Variants in DDX41 observed in about 807,000 individuals in gnomAD.
DDX41 encodes the protein probable ATP-dependent RNA helicase DDX41.
A neutral mutation model predicts 78.8 loss-of-function variants in DDX41; 50 were observed. The ratio of observed to expected loss-of-function variants is 0.63; its 90% confidence interval spans 0.51 to 0.80. The LOEUF is 0.80. DDX41 is among the 30% of genes least tolerant of loss of function. The probability of loss-of-function intolerance (pLI) is 0.00; values close to 1 mark genes in which losing one functional copy is unlikely to be tolerated. For missense variants in DDX41, 633 were observed against 849.2 expected, an observed-to-expected ratio of 0.75 and a Z score of 3.16; for synonymous variants, 381 against 321.5, an observed-to-expected ratio of 1.19 and a Z score of -1.98.
chr5:177,513,990 C>T lies in DDX41; in HGVS notation c.936-143G>A. On this transcript the variant is annotated intron_variant, in intron 9 of 16. Coordinates refer to ENST00000330503, the MANE Select transcript of DDX41 (RefSeq NM_016222.4). This position sits in a 1 kb window ranked among gnomAD's most constrained non-coding sequence, Gnocchi z 4.6. ...CCCTTCTCATCATTCCCACCACCTGCCCTATGTATAGCACACAGCTCTTTC... is the reference window on the plus strand; with the variant it reads ...CCCTTCTCATCATTCCCACCACCTGTCCTATGTATAGCACACAGCTCTTTC... The T allele has an allele frequency of 1.2e-6, 1 of 855,262 alleles. No individual in the cohort carries two copies. The highest frequency in any genetic ancestry group is 1.6e-5 in the South Asian group (1 of 63,910). 53.0% of individuals were successfully genotyped at this position (855,262 alleles called of 1,614,324 possible). A position where few individuals can be genotyped will look rare whatever the true frequency, so the allele number is the denominator to read the frequency against.
In DDX41 at chr5:177,513,266, G is replaced by A. The variant is rs915954594; in HGVS notation, c.1230+87C>T. The A allele has an allele frequency of 1.0e-5, 16 of 1,587,160 alleles. No individual in the cohort carries two copies. The East Asian group carries it at 1.3e-4, about 13-fold the overall frequency. ...ATGAAACCCCCGGTTCCCACAAGGT[G>A]GACCCCCGGCTCCAATCAGCTTCAG... On this transcript the variant is annotated intron_variant, in intron 11 of 16. Coordinates refer to ENST00000330503, the MANE Select transcript of DDX41 (RefSeq NM_016222.4). The surrounding 1 kb of genome is among the most constrained non-coding windows in gnomAD (Gnocchi z 4.6).
At chr5:177,515,462 G>A in intron 6 of DDX41, 1 of 849,570 alleles carries the variant, frequency 1.2e-6, no homozygotes, top group Non-Finnish European at 1.9e-6. Context: ...TGTACCCAGT[G>A]TCTATGCCCA....
In DDX41 at chr5:177,511,622, C is replaced by G; in HGVS notation, c.*169G>C. ...TAATGGCAGCTGGGGTAAAAGGAAA[C>G]AAAAACAGTAATTCTGAAGAGCACA... On this transcript the variant is annotated 3_prime_UTR_variant, in exon 17 of 17. Transcript: ENST00000330503. 1.1e-6 allele frequency: 1 copy of G among 935,066 alleles called. No homozygotes were observed. Among genetic ancestry groups the G allele is most frequent in the Non-Finnish European group, 1.6e-6 (1 of 630,722 alleles). The allele number at this position is 935,066 out of a possible 1,614,324, so 57.9% of individuals were successfully genotyped here. A position where few individuals can be genotyped will look rare whatever the true frequency, so the allele number is the denominator to read the frequency against.
Position 177,513,954 on chromosome 5 carries a change from C to T in DDX41, c.936-107G>A, listed in dbSNP as rs1182757565. The T allele has an allele frequency of 1.7e-6, 2 of 1,150,492 alleles. No individual in the cohort carries two copies. Among genetic ancestry groups the T allele is most frequent in the Non-Finnish European group, 2.5e-6 (2 of 790,832 alleles). The allele number at this position is 1,150,492 out of a possible 1,614,324, so 71.3% of individuals were successfully genotyped here. Reference sequence around the variant, plus strand: ...CTGCTCTCTGTCCTCCTTCCTATTTCTTTGTCTGTCCCCTTCTCATCATTC... The same window carrying T: ...CTGCTCTCTGTCCTCCTTCCTATTTTTTTGTCTGTCCCCTTCTCATCATTC... On this transcript the variant is annotated intron_variant, in intron 9 of 16. Transcript: ENST00000330503. This position sits in a 1 kb window ranked among gnomAD's most constrained non-coding sequence, Gnocchi z 4.6.
At position 177,516,090 on chromosome 5, in the gene DDX41, C is replaced by T. The variant is rs772238399; in HGVS notation, c.373+29G>A. 3 of 1,613,650 alleles carry T rather than the reference C, an allele frequency of 1.9e-6. No individual in the cohort carries two copies. The East Asian group carries it at 6.7e-5, about 36-fold the overall frequency. ...GGCTGGGAGGAGAAGACTCAGTCCACCTTCTCACTATCCTGGCTACAACCA... is the reference window on the plus strand; with the variant it reads ...GGCTGGGAGGAGAAGACTCAGTCCATCTTCTCACTATCCTGGCTACAACCA... On this transcript the variant is annotated intron_variant, in intron 4 of 16. Transcript: ENST00000330503.
chr5:177,512,955 C>G, intron 12 of DDX41, 56 bp downstream of exon 12: 3 of 1,609,684 alleles, frequency 1.9e-6, no homozygotes, highest in Non-Finnish European at 2.5e-6. Flanking sequence ...CTGTCCCCTC[C>G]AAAGCCCTCC....
In DDX41 at chr5:177,513,256, C is replaced by G. The variant is rs573184759; in HGVS notation, c.1230+97G>C. 3.8e-6 allele frequency: 6 copies of G among 1,575,880 alleles called. No homozygotes were observed. The Admixed American group carries it at 8.8e-5, about 23-fold the overall frequency. ...GGGGCTTTGAATGAAACCCCCGGTT[C>G]CCACAAGGTGGACCCCCGGCTCCAA... On this transcript the variant is annotated intron_variant, in intron 11 of 16. Coordinates refer to ENST00000330503, the MANE Select transcript of DDX41 (RefSeq NM_016222.4). This position sits in a 1 kb window ranked among gnomAD's most constrained non-coding sequence, Gnocchi z 4.6.
Position 177,512,135 on chromosome 5 carries a change from C to A in DDX41, c.1693G>T (p.Val565Leu), listed in dbSNP as rs781182074. ...ATGGACTCATCCCCGCAATGCAGCA[C>A]CTGCAGCACGGGCGGCACCTTCTGC... is the stretch of plus-strand genomic sequence containing the variant. ...AKQKVPPVLQ[V>L]LHCGDESMLD... The change falls in exon 16 of 17, where the codon GTG (valine) becomes TTG (leucine). Residue 565 changes from valine to leucine, a missense_variant. Transcript: ENST00000330503. 1.2e-6 allele frequency: 2 copies of A among 1,613,550 alleles called. No individual in the cohort carries two copies. Among genetic ancestry groups the A allele is most frequent in the Non-Finnish European group, 1.7e-6 (2 of 1,180,032 alleles).
At position 177,515,297 on chromosome 5, in the gene DDX41, G is replaced by A; in HGVS notation, c.572-39C>T. The A allele has an allele frequency of 1.9e-6, 3 of 1,608,684 alleles. No homozygotes were observed. The South Asian group carries it at 3.3e-5, about 18-fold the overall frequency. ...CCGACATCGTCTTCATGACTCACAGGTACTTTCTCAGAGCCCCAAAGCCTG... is the reference window on the plus strand; with the variant it reads ...CCGACATCGTCTTCATGACTCACAGATACTTTCTCAGAGCCCCAAAGCCTG... On this transcript the variant is annotated intron_variant, in intron 6 of 16. Coordinates refer to ENST00000330503, the MANE Select transcript of DDX41 (RefSeq NM_016222.4).
intron 16 of DDX41, 71 bp from the exon 17 acceptor site, chr5:177,511,998 T>G (rs965565813): frequency 6.2e-7 from 1 of 1,606,138 alleles, no homozygotes; most frequent in African/African-American, 1.3e-5. Flanking sequence ...GGGCCCCCCG[T>G]TAGGCACCCT....
chr5:177,511,910 A>G lies in DDX41; in HGVS notation c.1750T>C (p.Phe584Leu), dbSNP rs1413539474. 2 of 1,613,972 alleles carry G rather than the reference A, an allele frequency of 1.2e-6. No individual in the cohort carries two copies. The highest frequency in any genetic ancestry group is 1.7e-5 in the Admixed American group (1 of 60,028). ...ATCCGATGACCCAGGCCCCCGCAGA[A>G]GGCACAGCCGCGCTCTCCTGGGGGA... ...LDIGGERGCA[F>L]CGGLGHRITD... Residue 584 changes from phenylalanine (F) to leucine (L), a missense_variant, in exon 17 of 17, where the codon TTC (phenylalanine) becomes CTC (leucine). Coordinates refer to ENST00000330503, the MANE Select transcript of DDX41 (RefSeq NM_016222.4).
Position 177,513,814 on chromosome 5 carries a change from G to A in DDX41, c.969C>T (p.Arg323=). Residue 323 remains arginine (R), a synonymous_variant, in exon 10 of 17, where the codon CGC becomes CGT. Transcript: ENST00000330503. This position sits in a 1 kb window ranked among gnomAD's most constrained non-coding sequence, Gnocchi z 4.6. ...GVHMMVATPG[R]LMDLLQKKMV... Reference sequence around the variant, plus strand: ...TCTTCTTCTGCAGCAAATCCATGAGGCGCCCCGGGGTGGCCACCATCATGT... The same window carrying A: ...TCTTCTTCTGCAGCAAATCCATGAGACGCCCCGGGGTGGCCACCATCATGT... 2 of 1,613,736 alleles carry A rather than the reference G, an allele frequency of 1.2e-6. No individual in the cohort carries two copies. Among genetic ancestry groups the A allele is most frequent in the Middle Eastern group, 1.6e-4 (1 of 6,062 alleles).
In DDX41 at chr5:177,513,643, TG is replaced by T. The variant is rs1021416287; in HGVS notation, c.1098+41del. On this transcript the variant is annotated intron_variant, in intron 10 of 16. Coordinates refer to ENST00000330503, the MANE Select transcript of DDX41 (RefSeq NM_016222.4). The surrounding 1 kb of genome is among the most constrained non-coding windows in gnomAD (Gnocchi z 4.6). ...CCCTGCAGTCTGATGTGGCGTGCAGTGGGGGGCGGTGCAGGGTGCCCTGGCC... is the reference window on the plus strand; with the variant it reads ...CCCTGCAGTCTGATGTGGCGTGCAGTGGGGGCGGTGCAGGGTGCCCTGGCC... 6.2e-7 allele frequency: 1 copy of T among 1,608,710 alleles called. No individual in the cohort carries two copies. The highest frequency in any genetic ancestry group is 8.5e-7 in the Non-Finnish European group (1 of 1,177,428).
Position 177,514,770 on chromosome 5 carries a change from G to C in DDX41, c.866C>G (p.Ser289Ter). The change falls in exon 9 of 17, where the codon TCA becomes TGA. Residue 289 changes from serine (S) to a stop codon, truncating the protein, a stop_gained. Coordinates refer to ENST00000330503, the MANE Select transcript of DDX41 (RefSeq NM_016222.4). LOFTEE classifies it high-confidence loss of function. This position sits in a 1 kb window ranked among gnomAD's most constrained non-coding sequence, Gnocchi z 4.2. ...YYCRLLQEDS[S>*]PLLRCALCIG... ...GCAGAGGGCGCAGCGCAGGAGTGGT[G>C]AGCTGTCCTCCTGCAGCAGGCGGCA... 6.2e-7 allele frequency: 1 copy of C among 1,612,934 alleles called. No homozygotes were observed. Among genetic ancestry groups the C allele is most frequent in the East Asian group, 2.2e-5 (1 of 44,882 alleles).
At position 177,516,759 on chromosome 5, in the gene DDX41, G is replaced by C. The variant is rs984823447; in HGVS notation, c.104C>G (p.Pro35Arg). The C allele has an allele frequency of 1.4e-5, 22 of 1,611,366 alleles. No individual in the cohort carries two copies. In the East Asian group the frequency reaches 4.9e-4, roughly 36 times the overall value. The change falls in exon 2 of 17, where the codon CCC becomes CGC. Residue 35 changes from proline to arginine, a missense_variant. Pro to Arg is a moderately radical substitution (Grantham distance 103, BLOSUM62 -2). Transcript: ENST00000330503. ...CCGGCGCTGCCGTAACGGCACATAG[G>C]GCACGTAGTCCTCGTCGTCCTCATC... ...AEDEDDEDYV[P>R]YVPLRQRRQL...
Position 177,512,163 on chromosome 5 carries a change from G to A in DDX41, c.1665C>T (p.Ala555=), listed in dbSNP as rs1356103698. Residue 555 remains alanine, a synonymous_variant, in exon 16 of 17, where the codon GCC becomes GCT. Transcript: ENST00000330503. ...GCAGCACGGGCGGCACCTTCTGCTT[G>A]GCTTCTAGCAGCAGCGCTTTGAGGT... ...LMDLKALLLE[A]KQKVPPVLQV... is the part of the protein sequence containing the mutation. The A allele has an allele frequency of 1.4e-5, 23 of 1,613,600 alleles. No individual in the cohort carries two copies. In the East Asian group the frequency reaches 4.9e-4, roughly 34 times the overall value.
chr5:177,513,999 T>C lies in DDX41; in HGVS notation c.936-152A>G, dbSNP rs2127436687. 3.6e-6 allele frequency: 3 copies of C among 826,856 alleles called. No homozygotes were observed. Among genetic ancestry groups the C allele is most frequent in the South Asian group, 3.1e-5 (2 of 63,500 alleles). 51.2% of individuals were successfully genotyped at this position (826,856 alleles called of 1,614,324 possible). A position where few individuals can be genotyped will look rare whatever the true frequency, so the allele number is the denominator to read the frequency against. Reference sequence around the variant, plus strand: ...TCATTCCCACCACCTGCCCTATGTATAGCACACAGCTCTTTCCCAAGGCAC... The same window carrying C: ...TCATTCCCACCACCTGCCCTATGTACAGCACACAGCTCTTTCCCAAGGCAC... On this transcript the variant is annotated intron_variant, in intron 9 of 16. Coordinates refer to ENST00000330503, the MANE Select transcript of DDX41 (RefSeq NM_016222.4). The surrounding 1 kb of genome is among the most constrained non-coding windows in gnomAD (Gnocchi z 4.6).
In DDX41 at chr5:177,514,148, C is replaced by T. The variant is rs1401215703; in HGVS notation, c.936-301G>A. On this transcript the variant is annotated intron_variant, in intron 9 of 16. Coordinates refer to ENST00000330503, the MANE Select transcript of DDX41 (RefSeq NM_016222.4). This position sits in a 1 kb window ranked among gnomAD's most constrained non-coding sequence, Gnocchi z 4.2. ...ACTCTGGGCTCGCTTTCCTGGCCCA[C>T]TGGCTTCACCTTTTCTGTGCTCACC... 1.4e-5 allele frequency: 8 copies of T among 580,982 alleles called. No homozygotes were observed. The East Asian group carries it at 2.3e-4, about 17-fold the overall frequency. 36.0% of individuals were successfully genotyped at this position (580,982 alleles called of 1,614,324 possible). A position where few individuals can be genotyped will look rare whatever the true frequency, so the allele number is the denominator to read the frequency against.
rs1009984672 is a variant in DDX41, at chr5:177,513,641, A to G, written c.1098+44T>C. 6 of 1,608,864 alleles carry G rather than the reference A, an allele frequency of 3.7e-6. No individual in the cohort carries two copies. The highest frequency in any genetic ancestry group is 2.7e-5 in the African/African-American group (2 of 74,778). On this transcript the variant is annotated intron_variant, in intron 10 of 16. Coordinates refer to ENST00000330503, the MANE Select transcript of DDX41 (RefSeq NM_016222.4). This position sits in a 1 kb window ranked among gnomAD's most constrained non-coding sequence, Gnocchi z 4.6. ...GTCCCTGCAGTCTGATGTGGCGTGC[A>G]GTGGGGGGCGGTGCAGGGTGCCCTG...
Sources: gnomAD v4.1 joint callset for allele counts on GRCh38, gnomAD v4.1.1 for gene constraint, Gnocchi (gnomAD v3.1) non-coding constraint, MANE v1.5 for transcripts, NCBI Gene and HGNC (gene_info 2026-07-23, HGNC 2026-07-21) for gene names.